The following LRP2 variants were observed in gnomAD, a reference collection of about 807,000 sequenced individuals.
LRP2 encodes low-density lipoprotein receptor-related protein 2.
In LRP2, 172 loss-of-function variants were observed where a neutral mutation model predicts 531.0. That is an observed-to-expected ratio of 0.32 (90% CI 0.29 to 0.37). The LOEUF (loss-of-function observed/expected upper bound fraction) is 0.37. LRP2 is among the 10% of genes least tolerant of loss of function. The pLI is 1.00. For missense variants in LRP2, 5,167 were observed against 5,868.3 expected, an observed-to-expected ratio of 0.88 and a Z score of 3.90; for synonymous variants, 1,992 against 2,027.6, an observed-to-expected ratio of 0.98 and a Z score of 0.47.
intron 1 of LRP2, among the ~76,000 whole-genome samples, chr2:169,327,060 C>G (rs1685088461): frequency 1.3e-5 from 2 of 151,028 alleles, no homozygotes; most frequent in African/African-American, 4.9e-5. Context: ...CTCCGCCCGG[C>G]AGCCGCCCAG....
intron 16 of LRP2, among the ~76,000 whole-genome samples, chr2:169,266,420 A>T (rs2544386): frequency 0.85 from 129,218 of 151,988 alleles, 55,498 homozygotes; most frequent in East Asian, 0.97. Context: ...ATAACAGATA[A>T]AATGATATCC....
intron 28 of LRP2, 84 bp from the exon 29 acceptor site, chr2:169,236,152 G>A: frequency 1.0e-6 from 1 of 963,080 alleles, no homozygotes; most frequent in Admixed American, 2.0e-5. Flanking sequence ...ACAACATCCT[G>A]TTTATGCCCT....
At position 169,237,277 on chromosome 2, in the gene LRP2, C is replaced by G; in HGVS notation, c.4517G>C (p.Ser1506Thr). ...AATAGTTTCAGTCAAGATGATGCTA[C>G]TGTCAAATACCTAAAGACAAAAGTG... ...NGTDRRVVFD[S>T]SIILTETIAI... Residue 1506 changes from serine (S) to threonine (T), a missense_variant, in exon 28 of 79, where the codon AGT becomes ACT. Ser to Thr is a moderately conservative substitution (Grantham distance 58, BLOSUM62 1). This residue lies in a region of LRP2 where 2,811 missense variants were observed against 3,058.0 expected (regional missense o/e 0.92). Transcript: ENST00000649046. The G allele has an allele frequency of 6.2e-7, 1 of 1,612,158 alleles. No homozygotes were observed. The highest frequency in any genetic ancestry group is 8.5e-7 in the Non-Finnish European group (1 of 1,178,460).
chr2:169,261,159 A>T (rs535392014), intron 16 of LRP2, among the ~76,000 whole-genome samples: 2 of 152,042 alleles, frequency 1.3e-5, no homozygotes, highest in Non-Finnish European at 2.9e-5. Context: ...TTATCACTAA[A>T]GAGGAACATG....
At position 169,213,769 on chromosome 2, in the gene LRP2, A is replaced by G. The variant is rs1287371701; in HGVS notation, c.5928T>C (p.Thr1976=). 3 of 1,613,432 alleles carry G rather than the reference A, an allele frequency of 1.9e-6. No homozygotes were observed. Among genetic ancestry groups the G allele is most frequent in the Non-Finnish European group, 2.5e-6 (3 of 1,179,524 alleles). The part of the protein sequence containing the change: ...IAVHDSFLYY[T]DEQYEVIERV... ...TTTCAATGACCTCATACTGTTCATC[A>G]GTATAATAAAGGAAAGAATCATGGA... The change falls in exon 36 of 79, where the codon ACT becomes ACC. Residue 1976 remains threonine, a synonymous_variant. Coordinates refer to ENST00000649046, the MANE Select transcript of LRP2 (RefSeq NM_004525.3).
chr2:169,152,466 A>G (rs1050658686), intron 67 of LRP2, among the ~76,000 whole-genome samples: 1 of 152,072 alleles, frequency 6.6e-6, no homozygotes, highest in African/African-American at 2.4e-5. Context: ...GGAATCCAGA[A>G]CTCTGTTGGC....
chr2:169,276,996 A>T (rs1180672738), intron 13 of LRP2, among the ~76,000 whole-genome samples: 1 of 152,032 alleles, frequency 6.6e-6, no homozygotes, highest in African/African-American at 2.4e-5. Context: ...GGAGTTTGGG[A>T]CCAGCCTGGG....
rs1687686117 is a variant in LRP2 at position 169,187,831 on chromosome 2, C to T, written c.9328+139G>A. On this transcript the variant is annotated intron_variant, in intron 49 of 78. Coordinates refer to ENST00000649046, the MANE Select transcript of LRP2 (RefSeq NM_004525.3). ...CTTATATACCAAGAAACTTTGGTAACCTTTTGCTATATCAGGAATAGTGAT... is the reference window on the plus strand; with the variant it reads ...CTTATATACCAAGAAACTTTGGTAATCTTTTGCTATATCAGGAATAGTGAT... 4 of 947,206 alleles carry T rather than the reference C, an allele frequency of 4.2e-6. No individual in the cohort carries two copies. In the Admixed American group the frequency reaches 7.9e-5, roughly 19 times the overall value. 58.7% of individuals were successfully genotyped at this position (947,206 alleles called of 1,614,324 possible).
chr2:169,262,854 G>T (rs1368884432), intron 16 of LRP2, among the ~76,000 whole-genome samples: 2 of 152,096 alleles, frequency 1.3e-5, no homozygotes, highest in Admixed American at 1.3e-4. Flanking sequence ...TATCCTACAA[G>T]GCTATAGTAA....
intron 16 of LRP2, among the ~76,000 whole-genome samples, chr2:169,260,683 A>G (rs1453928065): frequency 6.6e-6 from 1 of 152,066 alleles, no homozygotes. Flanking sequence ...CCAGTTTAGG[A>G]GGAAAAACAC....
At chr2:169,346,065 A>G (rs954367115) in intron 1 of LRP2, among the ~76,000 whole-genome samples, 2 of 152,160 alleles carry the variant, frequency 1.3e-5, no homozygotes, top group African/African-American at 4.8e-5. Flanking sequence ...TCACAGCAAA[A>G]TGCTTGAAAA....
chr2:169,132,444 T>C (rs1685327612), intron 77 of LRP2, 130 bp downstream of exon 77: 1 of 665,198 alleles, frequency 1.5e-6, no homozygotes, highest in African/African-American at 1.8e-5. Flanking sequence ...ATTATATTTA[T>C]TAACTGTCAA....
chr2:169,152,006 C>T (rs539969060), intron 67 of LRP2, among the ~76,000 whole-genome samples: 2 of 152,272 alleles, frequency 1.3e-5, no homozygotes, highest in East Asian at 3.9e-4. Context: ...TCTCCTGAAC[C>T]TTCCCCCTCA....
rs369508097 is a variant in LRP2, at chr2:169,182,244, C to T, written c.9921G>A (p.Leu3307=). The part of the protein sequence containing the change: ...SDLNGGHRRM[L]AQHCVDANNT... The stretch of plus-strand genomic sequence containing the variant: ...TGTTGGCATCCACACAGTGCTGGGC[C>T]AGCATGCGGCGGTGTCCACCATTGA... The change falls in exon 51 of 79, where the codon CTG becomes CTA. Residue 3307 remains leucine (L), a synonymous_variant. Coordinates refer to ENST00000649046, the MANE Select transcript of LRP2 (RefSeq NM_004525.3). 5.6e-6 allele frequency: 9 copies of T among 1,614,004 alleles called. No individual in the cohort carries two copies. Among genetic ancestry groups the T allele is most frequent in the Non-Finnish European group, 7.6e-6 (9 of 1,180,002 alleles).
At chr2:169,291,144 A>T in intron 7 of LRP2, 147 bp from the exon 8 acceptor site, 3 of 695,394 alleles carry the variant, frequency 4.3e-6, no homozygotes, top group South Asian at 3.9e-5. Context: ...GTGATTTCTA[A>T]CTCTACCACT....
chr2:169,153,441 T>C (rs1384126509), intron 66 of LRP2, among the ~76,000 whole-genome samples: 5 of 152,210 alleles, frequency 3.3e-5, no homozygotes, highest in Admixed American at 3.3e-4. Flanking sequence ...ACTGTGACTG[T>C]AGAGGGATGC....
chr2:169,196,919 G>C lies in LRP2; in HGVS notation c.8690C>G (p.Ala2897Gly). 2 of 1,614,142 alleles carry C rather than the reference G, an allele frequency of 1.2e-6. No homozygotes were observed. Among genetic ancestry groups the C allele is most frequent in the Non-Finnish European group, 1.7e-6 (2 of 1,180,018 alleles). Residue 2897 changes from alanine to glycine, a missense_variant, in exon 46 of 79, where the codon GCC becomes GGC. Physicochemically the swap from Ala to Gly is moderately conservative, Grantham distance 60. Transcript: ENST00000649046. ...CTTGCTTACTCTCTTACCACAAGAGGCAGGTTCATCAGAGGCATCAAAACA... is the reference window on the plus strand; with the variant it reads ...CTTGCTTACTCTCTTACCACAAGAGCCAGGTTCATCAGAGGCATCAAAACA... The part of the protein sequence containing the change: ...TDCFDASDEP[A>G]SCGHSERTCL...
intron 77 of LRP2, among the ~76,000 whole-genome samples, chr2:169,130,951 T>TC (rs1453351248): frequency 6.6e-6 from 1 of 152,158 alleles, no homozygotes; most frequent in African/African-American, 2.4e-5. Context: ...GGTTACAGCC[T>TC]CCCCACCACA....
intron 58 of LRP2, 136 bp downstream of exon 58, chr2:169,171,879 C>T (rs1410122399): frequency 1.9e-6 from 2 of 1,050,422 alleles, no homozygotes; most frequent in African/African-American, 1.6e-5. Flanking sequence ...TACTGACCAG[C>T]AGAAAGAAAG....
Sources: gnomAD v4.1 joint callset for allele counts (sites outside exome capture counted in the v4.1 genomes callset) on GRCh38, gnomAD v4.1.1 for gene constraint, gnomAD v4.1.1 regional missense constraint, MANE v1.5 for transcripts, NCBI Gene and HGNC (gene_info 2026-07-23, HGNC 2026-07-21) for gene names.